DLC1: variants seen among roughly 807,000 people sequenced by gnomAD.
DLC1 encodes DLC1 Rho GTPase activating protein.
A neutral mutation model predicts 140.3 loss-of-function variants in DLC1; 54 were observed. The observed-to-expected ratio is 0.38, with a 90% CI of 0.31 to 0.48. DLC1 has a LOEUF of 0.48. Ranked by LOEUF, DLC1 falls within the 20% of genes least tolerant of loss-of-function variation. The pLI is 0.96. For missense variants in DLC1, 2,536 were observed against 1,907.0 expected (o/e 1.33, Z -6.14); for synonymous variants, 986 against 728.1 (o/e 1.35, Z -5.70).
At chr8:13,578,615 C>G (rs368411892) in intron 1 of DLC1, among the ~76,000 whole-genome samples, 3 of 152,158 alleles carry the variant, frequency 2.0e-5, no homozygotes, top group East Asian at 1.9e-4. Flanking sequence ...TCCCAGGACC[C>G]TCTCCTCAGG....
In DLC1 at chr8:13,345,547, C is replaced by CTTTTTTTTTTTTTTT. The variant is rs535092622; in HGVS notation, c.1315-40260_1315-40246dup. Among the ~76,000 whole-genome samples the CTTTTTTTTTTTTTTT allele has an allele frequency of 1.1e-3, 75 of 67,516 alleles. 8 individuals carry two copies. The highest frequency in any genetic ancestry group is 3.7e-3 in the East Asian group (7 of 1,888). The allele number at this position is 67,516 out of a possible 152,430, so 44.3% of individuals were successfully genotyped here. On this transcript the variant is annotated intron_variant, in intron 4 of 17. Coordinates refer to ENST00000276297, the MANE Select transcript of DLC1 (RefSeq NM_182643.3). ...GATTATCTGAAATTTTTCACTCACA[C>CTTTTTTTTTTTTTTT]TTTTTTTTTTTTTTTTTTTTTTTGG...
intron 5 of DLC1, among the ~76,000 whole-genome samples, chr8:13,155,434 A>G (rs1585791773): frequency 6.6e-6 from 1 of 152,046 alleles, no homozygotes; most frequent in South Asian, 2.1e-4. Flanking sequence ...ATTATAATAA[A>G]TGTTCTAGTT....
intron 5 of DLC1, among the ~76,000 whole-genome samples, chr8:13,174,327 C>G (rs1978666): frequency 6.6e-6 from 1 of 151,974 alleles, no homozygotes; most frequent in Non-Finnish European, 1.5e-5. Context: ...TATGAACATA[C>G]AAGTGCATGT....
In DLC1 at chr8:13,111,634, C is replaced by T. The variant is rs142780243; in HGVS notation, c.1421-811G>A. 2.3e-3 allele frequency among the ~76,000 whole-genome samples: 350 copies of T among 152,254 alleles called. 3 individuals are homozygous for T. The highest frequency in any genetic ancestry group is 2.1e-3 in the Non-Finnish European group (144 of 68,030). On this transcript the variant is annotated intron_variant, in intron 6 of 17. Transcript: ENST00000276297. ...CCAAGAAAAGGAGAGCGGAGGTAGCCGCTGTGGAAATTTACAACAGCTCTG... is the reference window on the plus strand; with the variant it reads ...CCAAGAAAAGGAGAGCGGAGGTAGCTGCTGTGGAAATTTACAACAGCTCTG...
intron 2 of DLC1, among the ~76,000 whole-genome samples, chr8:13,404,128 A>G (rs1837421402): frequency 6.6e-6 from 1 of 152,166 alleles, no homozygotes; most frequent in South Asian, 2.1e-4. Context: ...TTATTACAAG[A>G]CCTCATACAT....
chr8:13,437,462 C>T (rs147153594), intron 2 of DLC1, among the ~76,000 whole-genome samples: 2 of 152,322 alleles, frequency 1.3e-5, no homozygotes, highest in Admixed American at 1.3e-4. Context: ...CGATCGTATG[C>T]ATGATGTAAG....
intron 5 of DLC1, among the ~76,000 whole-genome samples, chr8:13,201,892 C>T (rs988747055): frequency 6.7e-6 from 1 of 148,560 alleles, no homozygotes; most frequent in Admixed American, 6.7e-5. Flanking sequence ...TTATTTTCTC[C>T]CCCAGGTACT....
At chr8:13,580,973 A>G (rs1000913162) in intron 1 of DLC1, among the ~76,000 whole-genome samples, 1 of 152,206 alleles carries the variant, frequency 6.6e-6, no homozygotes, top group African/African-American at 2.4e-5. Flanking sequence ...TACTGAACTA[A>G]GGGGTACCCC....
intron 4 of DLC1, among the ~76,000 whole-genome samples, chr8:13,346,224 A>G (rs1834332729): frequency 6.6e-6 from 1 of 152,226 alleles, no homozygotes; most frequent in Non-Finnish European, 1.5e-5. Flanking sequence ...TTAAAGTTTG[A>G]GTATACACAA....
At position 13,499,273 on chromosome 8, in the gene DLC1, G is replaced by T; in HGVS notation, c.799C>A (p.Leu267Met). ...CCAAAATCTGTTTTTAATAATGGCA[G>T]TCCTCTGTTTGTGCAAGGAGTATCC... ...FLDTPCTNRGLPLLKTDFGSC... is the reference protein window; with the variant it reads ...FLDTPCTNRGMPLLKTDFGSC... Residue 267 changes from leucine to methionine, a missense_variant, in exon 2 of 18, where the codon CTG (leucine) becomes ATG (methionine). Leu to Met is a conservative substitution (Grantham distance 15, BLOSUM62 2). Coordinates refer to ENST00000276297, the MANE Select transcript of DLC1 (RefSeq NM_182643.3). The T allele has an allele frequency of 6.2e-7, 1 of 1,614,152 alleles. No homozygotes were observed. The highest frequency in any genetic ancestry group is 8.5e-7 in the Non-Finnish European group (1 of 1,180,016).
intron 1 of DLC1, among the ~76,000 whole-genome samples, chr8:13,534,730 C>T (rs1411376023): frequency 2.0e-5 from 3 of 152,164 alleles, no homozygotes; most frequent in African/African-American, 7.2e-5. Flanking sequence ...GAAGCCACTA[C>T]CTTCTGAGTA....
In DLC1 at chr8:13,163,849, A is replaced by AC. The variant is rs574064279; in HGVS notation, c.1349-48193dup. Among the ~76,000 whole-genome samples, 253 of 151,874 alleles carry AC rather than the reference A, an allele frequency of 1.7e-3. 1 individual carries two copies. The highest frequency in any genetic ancestry group is 5.6e-3 in the African/African-American group (232 of 41,400). ...AATGCACCAAAACAACAACAGAATA[A>AC]CCCCAAAATTAGCCAAGTATTGTGA... On this transcript the variant is annotated intron_variant, in intron 5 of 17. Coordinates refer to ENST00000276297, the MANE Select transcript of DLC1 (RefSeq NM_182643.3).
At chr8:13,317,964 A>G (rs1164282422) in intron 4 of DLC1, among the ~76,000 whole-genome samples, 1 of 152,188 alleles carries the variant, frequency 6.6e-6, no homozygotes, top group Non-Finnish European at 1.5e-5. Context: ...TACTTGTTCT[A>G]TGCCAGGCAG....
At chr8:13,382,927 T>C (rs1220179480) in intron 4 of DLC1, among the ~76,000 whole-genome samples, 2 of 152,236 alleles carry the variant, frequency 1.3e-5, no homozygotes, top group Non-Finnish European at 2.9e-5. Context: ...CTGTGACTTT[T>C]GTGTAATGGA....
At chr8:13,323,481 T>C (rs1353901533) in intron 4 of DLC1, among the ~76,000 whole-genome samples, 1 of 152,252 alleles carries the variant, frequency 6.6e-6, no homozygotes, top group Non-Finnish European at 1.5e-5. Context: ...CTCTATTCTT[T>C]ATTATTATTT....
rs371880649 is a variant in DLC1, at chr8:13,401,559, G to A, written c.1084C>T (p.Leu362=). The A allele has an allele frequency of 7.6e-5, 123 of 1,613,576 alleles. No individual in the cohort carries two copies. The highest frequency in any genetic ancestry group is 9.7e-5 in the Non-Finnish European group (114 of 1,180,008). ...LDSMVLLIMK[L]DQLDQDIENA... ...TCTATGTCCTGATCAAGCTGGTCCA[G>A]TTTCATAATCAGCAGCACCATGGAG... The change falls in exon 3 of 18, where the codon CTG becomes TTG. Residue 362 remains leucine, a synonymous_variant. Coordinates refer to ENST00000276297, the MANE Select transcript of DLC1 (RefSeq NM_182643.3).
intron 2 of DLC1, among the ~76,000 whole-genome samples, chr8:13,442,858 A>G (rs1798586029): frequency 1.3e-5 from 2 of 152,244 alleles, no homozygotes; most frequent in African/African-American, 2.4e-5. Context: ...TACTGGGTGT[A>G]TACCAAAAGG....
Position 13,536,437 on chromosome 8 carries a change from G to C in DLC1, c.-125-36241C>G, listed in dbSNP as rs138734458. On this transcript the variant is annotated intron_variant, in intron 1 of 1. Coordinates refer to the DLC1 transcript ENST00000631382. The stretch of plus-strand genomic sequence containing the variant: ...GTGAAAGATGTGTATATTTTTAGAA[G>C]TGGTTACTATGCAGGAGGAATGAAA... Among the ~76,000 whole-genome samples the C allele has an allele frequency of 1.9e-3, 283 of 152,340 alleles. 1 individual carries two copies. The highest frequency in any genetic ancestry group is 3.4e-3 in the Admixed American group (52 of 15,300).
At chr8:13,588,812 G>A (rs1051920501) in intron 1 of DLC1, among the ~76,000 whole-genome samples, 2 of 152,002 alleles carry the variant, frequency 1.3e-5, no homozygotes, top group Non-Finnish European at 2.9e-5. Context: ...GGGGCTGGGA[G>A]AGGTCATGGC....
Sources: allele counts gnomAD v4.1 joint callset (sites outside exome capture counted in the v4.1 genomes callset), GRCh38; gene constraint gnomAD v4.1.1; transcripts MANE v1.5; gene names NCBI Gene and HGNC (gene_info 2026-07-23, HGNC 2026-07-21).